COL4A5: variants seen among roughly 807,000 people sequenced by gnomAD.
COL4A5 encodes the protein collagen type IV alpha 5 chain.
A neutral mutation model predicts 130.2 loss-of-function variants in COL4A5; 26 were observed. The observed-to-expected ratio is 0.20, with a 90% CI of 0.15 to 0.28. The LOEUF (loss-of-function observed/expected upper bound fraction) is 0.28, where lower values mean the gene tolerates loss of function less well. Among genes scored for constraint, COL4A5 ranks in the 10% least tolerant of loss-of-function variants. The pLI, the probability that COL4A5 is intolerant of heterozygous loss-of-function variation, is 1.00. For synonymous variants in COL4A5, 496 were observed against 439.6 expected, an observed-to-expected ratio of 1.13 and a Z score of -1.60; for missense variants, 1,131 against 1,344.3, an observed-to-expected ratio of 0.84 and a Z score of 2.48.
intron 1 of COL4A5, among the ~76,000 whole-genome samples, chrX:108,482,640 C>A (rs760631768): frequency 8.9e-6 from 1 of 111,791 alleles, no homozygotes; most frequent in Non-Finnish European, 1.9e-5. Context: ...TTAACAGTAG[C>A]CACCTGGAGA....
At chrX:108,456,290 A>G (rs570619902) in intron 1 of COL4A5, among the ~76,000 whole-genome samples, 1 of 111,980 alleles carries the variant, frequency 8.9e-6, no homozygotes, top group South Asian at 3.7e-4. Context: ...CTGTTTATCC[A>G]AAGATAAAAT....
At chrX:108,603,149 T>C (rs1449465091) in intron 28 of COL4A5, 88 bp downstream of exon 28, 2 of 571,389 alleles carry the variant, frequency 3.5e-6, no homozygotes, top group Non-Finnish European at 5.8e-6. Context: ...TCAGATATCA[T>C]CCCAAGCCCC....
chrX:108,695,074 T>G (rs2068710980), intron 51 of COL4A5, 153 bp downstream of exon 51: 3 of 671,793 alleles, frequency 4.5e-6, no homozygotes, highest in African/African-American at 4.3e-5. Context: ...CCTCACACAT[T>G]TTTTGTAACA....
intron 46 of COL4A5, 86 bp downstream of exon 46, chrX:108,681,042 C>G: frequency 1.2e-6 from 1 of 844,048 alleles, no homozygotes; most frequent in Non-Finnish European, 1.8e-6. Context: ...TTCAGCCAGA[C>G]CATCGGAGGC....
rs2068577209 is a variant in COL4A5 at position 108,687,752 on chromosome X, T to G, written c.4528+58T>G. On this transcript the variant is annotated intron_variant, in intron 49 of 52. Transcript: ENST00000328300. ...CCTTTTGTTTTTGTTTCAGAAATCC[T>G]GTTGGGTTCTAGAGTAGCCTTGGCC... is the stretch of plus-strand genomic sequence containing the variant. 3 of 1,100,110 alleles carry G rather than the reference T, an allele frequency of 2.7e-6. No homozygotes were observed. The Admixed American group carries it at 6.5e-5, about 24-fold the overall frequency. 90.7% of individuals were successfully genotyped at this position (1,100,110 alleles called of 1,213,427 possible).
chrX:108,441,145 G>A (rs1226182550), intron 1 of COL4A5, among the ~76,000 whole-genome samples: 2 of 105,557 alleles, frequency 1.9e-5, no homozygotes, highest in Non-Finnish European at 3.8e-5. Flanking sequence ...AGGGCCAGAT[G>A]TTAAAAAAAT....
intron 1 of COL4A5, among the ~76,000 whole-genome samples, chrX:108,493,748 A>G (rs1296088264): frequency 9.1e-6 from 1 of 109,494 alleles, no homozygotes; most frequent in African/African-American, 3.3e-5. Context: ...GAGCTCCCCA[A>G]ATGAATGGGA....
chrX:108,664,770 G>A (rs2068041827), intron 37 of COL4A5, among the ~76,000 whole-genome samples: 1 of 111,740 alleles, frequency 8.9e-6, no homozygotes, highest in African/African-American at 3.2e-5. Context: ...GATACTTCAC[G>A]AAAGAAGATA....
intron 1 of COL4A5, among the ~76,000 whole-genome samples, chrX:108,471,854 A>C (rs1172073579): frequency 9.0e-6 from 1 of 110,962 alleles, no homozygotes; most frequent in African/African-American, 3.3e-5. Flanking sequence ...CTAATCTTTC[A>C]TAATTTCCTT....
At chrX:108,693,033 A>G (rs927072469) in intron 50 of COL4A5, 108 bp downstream of exon 50, 13 of 896,893 alleles carry the variant, frequency 1.4e-5, no homozygotes, top group Non-Finnish European at 1.8e-5. Context: ...GTTAGGTAGA[A>G]CAGAGGTACC....
intron 44 of COL4A5, among the ~76,000 whole-genome samples, chrX:108,678,449 G>A (rs2068353430): frequency 9.0e-6 from 1 of 111,455 alleles, no homozygotes; most frequent in South Asian, 3.7e-4. Context: ...AAACAATTAA[G>A]AGTAAGTTTC....
rs2068736809 is a variant in COL4A5 at position 108,696,495 on chromosome X, T to C, written c.*117T>C. On this transcript the variant is annotated 3_prime_UTR_variant, in exon 53 of 53. Coordinates refer to ENST00000328300, the MANE Select transcript of COL4A5 (RefSeq NM_033380.3). Reference sequence around the variant, plus strand: ...ACTGCTGCCGTCAATGGTGCTACTATATATGATCAAGATAACATGCTGACT... The same window carrying C: ...ACTGCTGCCGTCAATGGTGCTACTACATATGATCAAGATAACATGCTGACT... The C allele has an allele frequency of 3.8e-6, 2 of 525,790 alleles. No individual in the cohort carries two copies. The highest frequency in any genetic ancestry group is 6.4e-5 in the South Asian group (2 of 31,438). 43.3% of individuals were successfully genotyped at this position (525,790 alleles called of 1,213,427 possible).
In COL4A5 at chrX:108,687,639, A is replaced by T. The variant is rs1353874042; in HGVS notation, c.4473A>T (p.Glu1491Asp). 8.3e-7 allele frequency: 1 copy of T among 1,211,585 alleles called. No individual in the cohort carries two copies. Among genetic ancestry groups the T allele is most frequent in the South Asian group, 1.8e-5 (1 of 56,968 alleles). ...CACAGGGAACACTTCAGGTCTATGA[A>T]GGCTTTTCTCTCCTGTATGTACAAG... ...QCPQGTLQVY[E>D]GFSLLYVQGN... is the part of the protein sequence containing the mutation. The change falls in exon 49 of 53, where the codon GAA becomes GAT. Residue 1491 changes from glutamate (E) to aspartate (D), a missense_variant. Coordinates refer to ENST00000328300, the MANE Select transcript of COL4A5 (RefSeq NM_033380.3).
In COL4A5 at chrX:108,677,577, C is replaced by G; in HGVS notation, c.3886C>G (p.Pro1296Ala). 2 of 1,210,832 alleles carry G rather than the reference C, an allele frequency of 1.7e-6. No individual in the cohort carries two copies. Among genetic ancestry groups the G allele is most frequent in the East Asian group, 3.0e-5 (1 of 33,818 alleles). ...IKGEKGNPGQ[P>A]GLPGLPGLKG... is the part of the protein sequence containing the mutation. ...AGGAGAGAAGGGAAATCCAGGCCAA[C>G]CTGGGCTACCTGGCTTGCCTGGTTT... Residue 1296 changes from proline to alanine, a missense_variant, in exon 44 of 53, where the codon CCT (proline) becomes GCT (alanine). Transcript: ENST00000328300.
intron 6 of COL4A5, among the ~76,000 whole-genome samples, chrX:108,570,798 A>G (rs1270472046): frequency 9.0e-6 from 1 of 111,602 alleles, no homozygotes; most frequent in Non-Finnish European, 1.9e-5. Context: ...GCATACAGGT[A>G]TTTGAAAGGA....
chrX:108,691,745 T>C (rs1207960046), intron 49 of COL4A5, among the ~76,000 whole-genome samples: 1 of 111,948 alleles, frequency 8.9e-6, no homozygotes, highest in Non-Finnish European at 1.9e-5. Context: ...GAAGGAACAA[T>C]GTATAATTTC....
At chrX:108,571,329 A>G in intron 6 of COL4A5, 84 bp from the exon 7 acceptor site, 1 of 760,885 alleles carries the variant, frequency 1.3e-6, no homozygotes, top group South Asian at 2.2e-5. Context: ...TTTTATAGAA[A>G]TCTTTTCAAG....
At chrX:108,489,451 A>G (rs2064976273) in intron 1 of COL4A5, among the ~76,000 whole-genome samples, 1 of 112,073 alleles carries the variant, frequency 8.9e-6, no homozygotes, top group Non-Finnish European at 1.9e-5. Context: ...CTTTGCATAT[A>G]TTTCAGACTT....
At chrX:108,596,077 G>A (rs2066512055) in intron 22 of COL4A5, among the ~76,000 whole-genome samples, 1 of 111,495 alleles carries the variant, frequency 9.0e-6, no homozygotes, top group Non-Finnish European at 1.9e-5. Flanking sequence ...CCCCTTTCCA[G>A]TCAAAACTAT....
Sources: gnomAD v4.1 joint callset for allele counts (sites outside exome capture counted in the v4.1 genomes callset) on GRCh38, gnomAD v4.1.1 for gene constraint, MANE v1.5 for transcripts, NCBI Gene and HGNC (gene_info 2026-07-23, HGNC 2026-07-21) for gene names.